Variants in STAG1 observed in about 807,000 individuals in gnomAD.
STAG1 encodes the protein cohesin subunit SA-1.
STAG1 carries 26 observed loss-of-function variants against 170.9 expected under a neutral mutation model. The observed-to-expected ratio is 0.15, with a 90% CI of 0.11 to 0.21. The LOEUF (loss-of-function observed/expected upper bound fraction) is 0.21. STAG1 is among the 10% of genes least tolerant of loss of function. The probability of loss-of-function intolerance (pLI) is 1.00; values close to 1 mark genes in which losing one functional copy is unlikely to be tolerated. For synonymous variants in STAG1, 514 were observed against 497.7 expected (o/e 1.03, Z -0.44); for missense variants, 964 against 1,509.5 (o/e 0.64, Z 5.99).
chr3:136,560,355 G>T (rs1936792949), intron 5 of STAG1, among the ~76,000 whole-genome samples: 1 of 152,140 alleles, frequency 6.6e-6, no homozygotes, highest in Non-Finnish European at 1.5e-5. Flanking sequence ...TTATGTTTAA[G>T]TACATACCAA....
chr3:136,418,441 A>C (rs9841529), intron 20 of STAG1, among the ~76,000 whole-genome samples: 27,398 of 148,714 alleles, frequency 0.18, 2,992 homozygotes, highest in Non-Finnish European at 0.24. Flanking sequence ...AAGATCCATA[A>C]AGGAAATACT....
chr3:136,714,948 TATATATA>T (rs1943484971), intron 1 of STAG1, among the ~76,000 whole-genome samples: 1 of 75,224 alleles, frequency 1.3e-5, no homozygotes, highest in Non-Finnish European at 3.1e-5. Flanking sequence ...AATATATATA[TATATATA>T]TATATATATT....
chr3:136,717,860 T>C (rs1943584683), intron 1 of STAG1, among the ~76,000 whole-genome samples: 1 of 152,134 alleles, frequency 6.6e-6, no homozygotes, highest in South Asian at 2.1e-4. Flanking sequence ...AAAGCAGTAA[T>C]AAAATGAATT....
rs750798632 is a variant in STAG1, at chr3:136,343,832, T to G, written c.3446A>C (p.Asn1149Thr). The G allele has an allele frequency of 1.5e-5, 23 of 1,536,038 alleles. No homozygotes were observed. Among genetic ancestry groups the G allele is most frequent in the Non-Finnish European group, 2.0e-5 (23 of 1,143,164 alleles). Residue 1149 changes from asparagine (N) to threonine (T), a missense_variant and splice_region_variant, in exon 30 of 34, where the codon AAT (asparagine) becomes ACT (threonine). Physicochemically the swap from Asn to Thr is moderately conservative, Grantham distance 65. Around this residue, in one of 11 missense-constraint regions of STAG1, gnomAD observed 122 missense variants for 129.0 expected, o/e 0.95. Transcript: ENST00000383202. Reference sequence around the variant, plus strand: ...AAAAAGACAAATTTTTGCTACTTACTTGTGTAAAAAGTCTGGTTCAGAACC... The same window carrying G: ...AAAAAGACAAATTTTTGCTACTTACGTGTGTAAAAAGTCTGGTTCAGAACC... Reference protein sequence around the residue: ...EHGSEPDFLHNPQMQISWLGQ... With the variant: ...EHGSEPDFLHTPQMQISWLGQ...
At chr3:136,462,857 A>G (rs1275053153) in intron 13 of STAG1, among the ~76,000 whole-genome samples, 1 of 152,218 alleles carries the variant, frequency 6.6e-6, no homozygotes, top group Non-Finnish European at 1.5e-5. Context: ...TATAATACAG[A>G]CATAAAATAA....
intron 13 of STAG1, among the ~76,000 whole-genome samples, chr3:136,456,084 T>G (rs2089104188): frequency 6.6e-6 from 1 of 152,152 alleles, no homozygotes; most frequent in African/African-American, 2.4e-5. Flanking sequence ...GCGGTAGCTA[T>G]CTCTTCAAAT....
At chr3:136,393,226 C>A (rs1220746788) in intron 22 of STAG1, among the ~76,000 whole-genome samples, 1 of 152,146 alleles carries the variant, frequency 6.6e-6, no homozygotes, top group African/African-American at 2.4e-5. Flanking sequence ...TACCATACTA[C>A]ATTTAAACTT....
chr3:136,506,102 T>C (rs1484221630), intron 7 of STAG1, among the ~76,000 whole-genome samples: 1 of 152,106 alleles, frequency 6.6e-6, no homozygotes, highest in East Asian at 1.9e-4. Flanking sequence ...GAATGTGGAG[T>C]GATGTGAAAC....
chr3:136,472,357 T>G, intron 12 of STAG1, 56 bp downstream of exon 12: 3 of 1,312,226 alleles, frequency 2.3e-6, no homozygotes, highest in Non-Finnish European at 3.3e-6. Flanking sequence ...TTAAAAATCC[T>G]GGGGAAAAGG....
At position 136,746,378 on chromosome 3, in the gene STAG1, C is replaced by A. The variant is rs368007119; in HGVS notation, c.-84+5817G>T. Among the ~76,000 whole-genome samples, 20 of 152,034 alleles carry A rather than the reference C, an allele frequency of 1.3e-4. No individual in the cohort carries two copies. In the East Asian group the frequency reaches 2.3e-3, roughly 18 times the overall value. On this transcript the variant is annotated intron_variant, in intron 1 of 33. Coordinates refer to ENST00000383202, the MANE Select transcript of STAG1 (RefSeq NM_005862.3). ...AATCTTTTAGCTTCCCTGGGCCACA[C>A]TGGAAGAATTCTCTTGGGTCACCTG... is the stretch of plus-strand genomic sequence containing the variant.
chr3:136,593,678 T>C (rs192176093), intron 4 of STAG1, among the ~76,000 whole-genome samples: 1 of 152,224 alleles, frequency 6.6e-6, no homozygotes, highest in Non-Finnish European at 1.5e-5. Flanking sequence ...ACAACTGCTA[T>C]TTTCAGTTTT....
intron 5 of STAG1, among the ~76,000 whole-genome samples, chr3:136,567,433 C>T (rs1305425666): frequency 1.3e-5 from 2 of 152,184 alleles, no homozygotes; most frequent in African/African-American, 2.4e-5. Flanking sequence ...GGTCTTTTTG[C>T]ATAATATGTT....
intron 7 of STAG1, among the ~76,000 whole-genome samples, chr3:136,511,326 A>G (rs1286483000): frequency 6.6e-6 from 1 of 152,252 alleles, no homozygotes; most frequent in African/African-American, 2.4e-5. Context: ...AAATCATTCT[A>G]TCATAAAGAC....
intron 24 of STAG1, among the ~76,000 whole-genome samples, chr3:136,368,534 G>A (rs1014284476): frequency 6.9e-6 from 1 of 144,434 alleles, no homozygotes; most frequent in Non-Finnish European, 1.5e-5. Context: ...TAGCCAATTA[G>A]AAACAACATC....
chr3:136,464,135 T>A (rs1419050914), intron 13 of STAG1, among the ~76,000 whole-genome samples: 2 of 151,712 alleles, frequency 1.3e-5, no homozygotes, highest in African/African-American at 4.8e-5. Context: ...AAAATAATCC[T>A]GATCATGGCC....
At chr3:136,602,381 CAAA>C (rs397819185) in intron 4 of STAG1, among the ~76,000 whole-genome samples, 2 of 81,704 alleles carry the variant, frequency 2.4e-5, no homozygotes, top group African/African-American at 5.0e-5. Flanking sequence ...CCATCTCAAA[CAAA>C]AAAAAAAAAA....
intron 13 of STAG1, among the ~76,000 whole-genome samples, chr3:136,463,410 A>G (rs953275241): frequency 5.3e-5 from 8 of 152,222 alleles, no homozygotes; most frequent in African/African-American, 1.9e-4. Context: ...TGCCTAGTCC[A>G]TGATTTATAG....
intron 6 of STAG1, among the ~76,000 whole-genome samples, chr3:136,524,086 T>C (rs1467092603): frequency 6.6e-6 from 1 of 152,210 alleles, no homozygotes; most frequent in Non-Finnish European, 1.5e-5. Flanking sequence ...GGGCTCTTTT[T>C]TGGTCCCATA....
At chr3:136,468,158 G>C (rs1353301710) in intron 12 of STAG1, among the ~76,000 whole-genome samples, 1 of 152,078 alleles carries the variant, frequency 6.6e-6, no homozygotes, top group East Asian at 1.9e-4. Context: ...ACTAAGATCA[G>C]AGCAGAACTG....
Sources: gnomAD v4.1 joint callset for allele counts (sites outside exome capture counted in the v4.1 genomes callset) on GRCh38, gnomAD v4.1.1 for gene constraint, gnomAD v4.1.1 regional missense constraint, MANE v1.5 for transcripts, NCBI Gene and HGNC (gene_info 2026-07-23, HGNC 2026-07-21) for gene names.